SHISAL1: variants seen among roughly 807,000 people sequenced by gnomAD.
SHISAL1 encodes the protein protein shisa-like-1.
In SHISAL1, 9 loss-of-function variants were observed where a neutral mutation model predicts 22.6. The observed-to-expected ratio is 0.40, with a 90% CI of 0.24 to 0.70. The LOEUF is 0.70. SHISAL1 is among the 30% of genes least tolerant of loss of function. The probability of loss-of-function intolerance (pLI) is 0.39; values close to 1 mark genes in which losing one functional copy is unlikely to be tolerated. For synonymous variants in SHISAL1, 119 were observed against 115.4 expected (o/e 1.03, Z -0.20); for missense variants, 246 against 270.6 (o/e 0.91, Z 0.64).
intron 1 of SHISAL1, among the ~76,000 whole-genome samples, chr22:44,301,478 G>A: frequency 6.6e-6 from 1 of 152,174 alleles, no homozygotes; most frequent in East Asian, 1.9e-4. Context: ...TTCCTCCCTG[G>A]AGCCCCTGTG....
chr22:44,286,430 G>T (rs1262766764), intron 3 of SHISAL1, among the ~76,000 whole-genome samples: 1 of 152,040 alleles, frequency 6.6e-6, no homozygotes, highest in African/African-American at 2.4e-5. Flanking sequence ...CCAAAGTTGC[G>T]GGAGGGTTTG....
the SHISAL1 span, among the ~76,000 whole-genome samples, chr22:44,327,250 A>G: frequency 2.4e-3 from 194 of 82,412 alleles, no homozygotes; most frequent in African/African-American, 7.2e-3. Flanking sequence ...GCACACACAC[A>G]CACACACACA....
At chr22:44,287,407 G>A (rs1349127353) in intron 3 of SHISAL1, among the ~76,000 whole-genome samples, 4 of 152,208 alleles carry the variant, frequency 2.6e-5, no homozygotes, top group African/African-American at 9.6e-5. Context: ...TGAAGATGCT[G>A]CTCGGGTGCC....
At chr22:44,293,369 C>T (rs1318253651) in intron 3 of SHISAL1, among the ~76,000 whole-genome samples, 1 of 152,172 alleles carries the variant, frequency 6.6e-6, no homozygotes. Context: ...GATTCTGTGC[C>T]CCCGCATTTG....
upstream of SHISAL1, among the ~76,000 whole-genome samples, chr22:44,314,621 C>A (rs954311711): frequency 6.6e-6 from 1 of 152,122 alleles, no homozygotes; most frequent in Non-Finnish European, 1.5e-5. Flanking sequence ...GAAGGTGACC[C>A]CACCTCAGGG....
upstream of SHISAL1, among the ~76,000 whole-genome samples, chr22:44,315,072 G>A (rs1427603660): frequency 2.0e-5 from 3 of 152,104 alleles, no homozygotes; most frequent in Admixed American, 1.3e-4. Flanking sequence ...ACAGGCTGAC[G>A]TTCCTGCTCT....
chr22:44,263,136 T>C (rs1172699490), intron 4 of SHISAL1, among the ~76,000 whole-genome samples: 1 of 134,948 alleles, frequency 7.4e-6, no homozygotes, highest in Non-Finnish European at 1.5e-5. Context: ...AATAGCGCAA[T>C]CTTGGCTCAC....
intron 4 of SHISAL1, among the ~76,000 whole-genome samples, chr22:44,259,188 A>G (rs143115600): frequency 0.013 from 1,977 of 152,296 alleles, 32 homozygotes; most frequent in African/African-American, 0.044. Flanking sequence ...TCATGCCTGT[A>G]ATCCCAGCAC....
chr22:44,276,038 C>T (rs961359022), intron 4 of SHISAL1, among the ~76,000 whole-genome samples: 6 of 152,222 alleles, frequency 3.9e-5, no homozygotes, highest in African/African-American at 1.4e-4. Flanking sequence ...AACTCTCCCG[C>T]GTTTTCCATC....
At chr22:44,326,522 A>T in the SHISAL1 span, among the ~76,000 whole-genome samples, 25 of 151,878 alleles carry the variant, frequency 1.6e-4, no homozygotes, top group Admixed American at 5.9e-4. Context: ...CCAAAAAAAA[A>T]TTTTTTTTCC....
intron 4 of SHISAL1, among the ~76,000 whole-genome samples, chr22:44,252,643 AAG>A (rs1555924996): frequency 7.0e-6 from 1 of 143,528 alleles, no homozygotes; most frequent in African/African-American, 2.8e-5. Context: ...AAAAAAAAAA[AAG>A]ACTGATCACA....
At chr22:44,284,887 C>G (rs2055300586) in intron 4 of SHISAL1, among the ~76,000 whole-genome samples, 1 of 133,350 alleles carries the variant, frequency 7.5e-6, no homozygotes, top group Non-Finnish European at 1.6e-5. Context: ...TGCCACCTCT[C>G]TGCCTTCCTG....
chr22:44,280,350 GTGTGGCCTTGGGCAAGTCACTGACCC>G (rs2055267540), intron 4 of SHISAL1, among the ~76,000 whole-genome samples: 6 of 152,140 alleles, frequency 3.9e-5, no homozygotes, highest in Admixed American at 3.9e-4. Context: ...TGGATCTACT[GTGTGGCCTTGGGCAAGTCACTGACCC>G]TCCCTGGGCC....
chr22:44,328,617 G>A, the SHISAL1 span, among the ~76,000 whole-genome samples: 1 of 152,132 alleles, frequency 6.6e-6, no homozygotes, highest in Non-Finnish European at 1.5e-5. Context: ...CTTGCAGTGT[G>A]GCCTTTGGGG....
At chr22:44,306,974 G>A (rs1460321326) in intron 1 of SHISAL1, among the ~76,000 whole-genome samples, 2 of 151,098 alleles carry the variant, frequency 1.3e-5, no homozygotes, top group African/African-American at 2.4e-5. Context: ...CCTGGGCTTA[G>A]GAAGCTGTGA....
At chr22:44,262,135 A>G (rs1359495589) in intron 4 of SHISAL1, among the ~76,000 whole-genome samples, 1 of 152,190 alleles carries the variant, frequency 6.6e-6, no homozygotes, top group Non-Finnish European at 1.5e-5. Flanking sequence ...GGTCCTGGCC[A>G]GGGTGGGAAT....
intron 1 of SHISAL1, among the ~76,000 whole-genome samples, chr22:44,309,460 C>T (rs956055993): frequency 5.3e-5 from 8 of 152,130 alleles, no homozygotes; most frequent in Non-Finnish European, 1.2e-4. Context: ...GCAGATCACC[C>T]GAGCCCAGGG....
chr22:44,320,655 G>A, the SHISAL1 span, among the ~76,000 whole-genome samples: 1 of 152,284 alleles, frequency 6.6e-6, no homozygotes, highest in African/African-American at 2.4e-5. Context: ...CTGCCAGGCC[G>A]CCGCCCTCCC....
At chr22:44,278,456 T>G (rs1298120970) in intron 4 of SHISAL1, among the ~76,000 whole-genome samples, 1 of 152,196 alleles carries the variant, frequency 6.6e-6, no homozygotes, top group Non-Finnish European at 1.5e-5. Context: ...GGCACCTTTA[T>G]GGTGGAAAAT....
Sources: gnomAD v4.1 joint callset for allele counts (sites outside exome capture counted in the v4.1 genomes callset) on GRCh38, gnomAD v4.1.1 for gene constraint, MANE v1.5 for transcripts, NCBI Gene and HGNC (gene_info 2026-07-23, HGNC 2026-07-21) for gene names.